NRXN1: variants seen among roughly 807,000 people sequenced by gnomAD.
NRXN1 encodes the protein neurexin-1.
Under a neutral mutation model 150.9 loss-of-function variants are expected in NRXN1, and 39 were observed. That is an observed-to-expected ratio of 0.26 (90% CI 0.20 to 0.34). The LOEUF (loss-of-function observed/expected upper bound fraction) is 0.34, where lower values mean the gene tolerates loss of function less well. Among genes scored for constraint, NRXN1 ranks in the 10% least tolerant of loss-of-function variants. The pLI is 1.00. For synonymous variants in NRXN1, 924 were observed against 757.0 expected, an observed-to-expected ratio of 1.22 and a Z score of -3.62; for missense variants, 1,815 against 1,949.9, an observed-to-expected ratio of 0.93 and a Z score of 1.30.
chr2:50,640,372 T>A (rs894050492), intron 5 of NRXN1, among the ~76,000 whole-genome samples: 4 of 152,212 alleles, frequency 2.6e-5, no homozygotes, highest in African/African-American at 9.6e-5. Context: ...TAAACTAAAA[T>A]TATACTTTAG....
chr2:50,257,230 T>C (rs1005472660), intron 17 of NRXN1, among the ~76,000 whole-genome samples: 2 of 152,088 alleles, frequency 1.3e-5, no homozygotes, highest in Admixed American at 6.6e-5. Context: ...ACCGATAATC[T>C]ATTACCTTTT....
At position 50,987,021 on chromosome 2, in the gene NRXN1, T is replaced by C. The variant is rs543277549; in HGVS notation, c.772+40481A>G. 3.9e-5 allele frequency among the ~76,000 whole-genome samples: 6 copies of C among 152,020 alleles called. No individual in the cohort carries two copies. In the East Asian group the frequency reaches 7.7e-4, roughly 20 times the overall value. ...ACAATACATTTCTATATGCTATTCA[T>C]CTTTTACAATAAAAATGCACTTATG... On this transcript the variant is annotated intron_variant, in intron 2 of 22. Transcript: ENST00000401669.
intron 12 of NRXN1, among the ~76,000 whole-genome samples, chr2:50,527,788 T>C (rs1056572898): frequency 2.0e-5 from 3 of 152,180 alleles, no homozygotes; most frequent in Admixed American, 1.3e-4. Flanking sequence ...AGAAAAAAAT[T>C]CTTTACTGTG....
chr2:50,778,206 A>G (rs1206762134), intron 5 of NRXN1, among the ~76,000 whole-genome samples: 1 of 152,178 alleles, frequency 6.6e-6, no homozygotes, highest in African/African-American at 2.4e-5. Context: ...AAAAACAATG[A>G]GTCATTACAG....
In NRXN1 at chr2:50,084,288, G is replaced by A. The variant is rs1047210217; in HGVS notation, c.3718+7035C>T. Among the ~76,000 whole-genome samples, 7 of 152,222 alleles carry A rather than the reference G, an allele frequency of 4.6e-5. No homozygotes were observed. In the South Asian group the frequency reaches 6.2e-4, roughly 13 times the overall value. On this transcript the variant is annotated intron_variant, in intron 19 of 22. Transcript: ENST00000401669. ...GGAGCAGGGGGCCGCACAGGAGCCC[G>A]TGGCGGGGGGACACTGGGGAGGGGA...
chr2:50,955,845 T>A (rs1692196115), intron 2 of NRXN1, among the ~76,000 whole-genome samples: 1 of 152,196 alleles, frequency 6.6e-6, no homozygotes, highest in African/African-American at 2.4e-5. Flanking sequence ...AATGATTGAA[T>A]TTATAAATGA....
chr2:50,589,331 G>C (rs886469253), intron 8 of NRXN1: 3 of 152,212 alleles, frequency 2.0e-5, no homozygotes, highest in African/African-American at 7.2e-5. Context: ...CCTGCTAGAT[G>C]CAGGGAGAAA....
At chr2:50,672,267 A>G (rs1688963304) in intron 5 of NRXN1, among the ~76,000 whole-genome samples, 1 of 151,986 alleles carries the variant, frequency 6.6e-6, no homozygotes, top group African/African-American at 2.4e-5. Flanking sequence ...AATGTTAAAA[A>G]AAAAAAGCCA....
At chr2:50,129,986 TA>T (rs1705228840) in intron 18 of NRXN1, among the ~76,000 whole-genome samples, 1 of 152,180 alleles carries the variant, frequency 6.6e-6, no homozygotes, top group African/African-American at 2.4e-5. Flanking sequence ...CTCCAAACTA[TA>T]AACGCCAGAC....
chr2:50,874,440 G>C (rs1409485741), intron 5 of NRXN1, among the ~76,000 whole-genome samples: 1 of 151,112 alleles, frequency 6.6e-6, no homozygotes, highest in Admixed American at 6.7e-5. Context: ...GCACCAATAG[G>C]GGTACTGGTC....
At position 50,477,434 on chromosome 2, in the gene NRXN1, G is replaced by C. The variant is rs570164506; in HGVS notation, c.3071-4963C>G. ...CAGTGATATGAACCTGGGCCTTAGGGAACGGAGGTTGGAGCTTAGAGGCCT... is the reference window on the plus strand; with the variant it reads ...CAGTGATATGAACCTGGGCCTTAGGCAACGGAGGTTGGAGCTTAGAGGCCT... On this transcript the variant is annotated intron_variant, in intron 15 of 22. Transcript: ENST00000401669. Among the ~76,000 whole-genome samples the C allele has an allele frequency of 3.2e-4, 49 of 152,284 alleles. 1 individual carries two copies. The South Asian group carries it at 0.01, about 32-fold the overall frequency.
intron 21 of NRXN1, among the ~76,000 whole-genome samples, chr2:49,944,627 T>A (rs903608400): frequency 6.6e-6 from 1 of 152,206 alleles, no homozygotes; most frequent in Non-Finnish European, 1.5e-5. Context: ...GAAAAGTTGT[T>A]CTTTATTGCC....
intron 2 of NRXN1, among the ~76,000 whole-genome samples, chr2:50,940,155 A>G (rs1322903476): frequency 6.6e-6 from 1 of 152,170 alleles, no homozygotes; most frequent in Non-Finnish European, 1.5e-5. Flanking sequence ...AGTGCAGTTT[A>G]AGAGATTTAA....
intron 5 of NRXN1, among the ~76,000 whole-genome samples, chr2:50,870,428 G>A (rs946757600): frequency 6.6e-6 from 1 of 151,908 alleles, no homozygotes; most frequent in Non-Finnish European, 1.5e-5. Context: ...CTTCTGAGTA[G>A]CTGGGACTAA....
At chr2:50,259,877 C>G (rs1012844619) in intron 17 of NRXN1, among the ~76,000 whole-genome samples, 2 of 151,816 alleles carry the variant, frequency 1.3e-5, no homozygotes, top group African/African-American at 4.8e-5. Flanking sequence ...TCTGCTTCCT[C>G]TACTCATCAA....
At chr2:50,387,245 G>A (rs1164681831) in intron 17 of NRXN1, among the ~76,000 whole-genome samples, 2 of 152,158 alleles carry the variant, frequency 1.3e-5, no homozygotes, top group East Asian at 3.9e-4. Flanking sequence ...TAAAGCTAGA[G>A]TAATCTGCTT....
intron 5 of NRXN1, among the ~76,000 whole-genome samples, chr2:50,889,675 C>A (rs1450070246): frequency 6.6e-6 from 1 of 151,540 alleles, no homozygotes; most frequent in South Asian, 2.1e-4. Context: ...TTGGTAATAG[C>A]TTTTCATTTA....
At chr2:50,297,080 T>TG (rs113486483) in intron 17 of NRXN1, among the ~76,000 whole-genome samples, 132,828 of 151,706 alleles carry the variant, frequency 0.88, 58,473 homozygotes, top group African/African-American at 0.97. Flanking sequence ...TTAGTAGAGA[T>TG]GGGTTTCACC....
At chr2:50,527,097 T>C (rs2092973292) in intron 12 of NRXN1, among the ~76,000 whole-genome samples, 1 of 152,202 alleles carries the variant, frequency 6.6e-6, no homozygotes, top group East Asian at 1.9e-4. Flanking sequence ...CAAAAATTCA[T>C]GCCTTGTTGC....
Sources: gnomAD v4.1 joint callset for allele counts (sites outside exome capture counted in the v4.1 genomes callset) on GRCh38, gnomAD v4.1.1 for gene constraint, MANE v1.5 for transcripts, NCBI Gene and HGNC (gene_info 2026-07-23, HGNC 2026-07-21) for gene names.